The following LINGO2 variants were observed in gnomAD, a reference collection of about 807,000 sequenced individuals.
The protein encoded by LINGO2 is leucine-rich repeat and immunoglobulin-like domain-containing nogo receptor-interacting protein 2.
Under a neutral mutation model 30.6 loss-of-function variants are expected in LINGO2, and 14 were observed. The ratio of observed to expected loss-of-function variants is 0.46; its 90% confidence interval spans 0.30 to 0.72. The LOEUF is 0.72. LINGO2 is among the 30% of genes least tolerant of loss of function. LINGO2 has a pLI of 0.07. For missense variants in LINGO2, 729 were observed against 751.7 expected, an observed-to-expected ratio of 0.97 and a Z score of 0.35; for synonymous variants, 317 against 288.5, an observed-to-expected ratio of 1.10 and a Z score of -1.00.
At chr9:28,890,435 T>A in the LINGO2 span, among the ~76,000 whole-genome samples, 2 of 152,174 alleles carry the variant, frequency 1.3e-5, no homozygotes, top group East Asian at 3.9e-4. Context: ...CAAAGGGGCC[T>A]GCCTGGTATT....
chr9:28,215,545 G>C (rs986126350), intron 4 of LINGO2, among the ~76,000 whole-genome samples: 1 of 151,810 alleles, frequency 6.6e-6, no homozygotes, highest in African/African-American at 2.4e-5. Flanking sequence ...GGAAGAGCAA[G>C]TGAATATTTT....
intron 2 of LINGO2, among the ~76,000 whole-genome samples, chr9:28,392,856 C>T (rs1310175404): frequency 6.6e-6 from 1 of 152,192 alleles, no homozygotes; most frequent in Non-Finnish European, 1.5e-5. Context: ...CCAGAAGCTG[C>T]AGACAAAGAT....
chr9:28,852,058 G>A, the LINGO2 span, among the ~76,000 whole-genome samples: 1 of 151,756 alleles, frequency 6.6e-6, no homozygotes, highest in Non-Finnish European at 1.5e-5. Flanking sequence ...ATTATCAAAA[G>A]ATTGATAAAA....
chr9:27,989,689 A>G lies in LINGO2; in HGVS notation c.-36+22666T>C, dbSNP rs147298021. Among the ~76,000 whole-genome samples the G allele has an allele frequency of 2.6e-5, 4 of 152,120 alleles. No individual in the cohort carries two copies. The East Asian group carries it at 7.8e-4, about 30-fold the overall frequency. ...CCAGAACAAAAGAACACAGATAACT[A>G]TGAGTTAAACACCGTGCTACACACT... On this transcript the variant is annotated intron_variant, in intron 5 of 5. Coordinates refer to ENST00000379992, the Ensembl canonical transcript of LINGO2.
Position 28,665,263 on chromosome 9 carries a change from G to T in LINGO2, c.-365+4937C>A, listed in dbSNP as rs12000480. The stretch of plus-strand genomic sequence containing the variant: ...TGGCAACCTGATCAAATCTACTCTA[G>T]ATCTAAATAAAAGATATGGGTTCCA... On this transcript the variant is annotated intron_variant, in intron 1 of 5. Coordinates refer to ENST00000379992, the Ensembl canonical transcript of LINGO2. 8.2e-3 allele frequency among the ~76,000 whole-genome samples: 1,240 copies of T among 151,810 alleles called. 23 individuals are homozygous for T. The highest frequency in any genetic ancestry group is 0.029 in the African/African-American group (1,197 of 41,438).
chr9:28,610,725 T>C (rs1275421643), intron 1 of LINGO2, among the ~76,000 whole-genome samples: 2 of 152,146 alleles, frequency 1.3e-5, no homozygotes, highest in Admixed American at 6.5e-5. Flanking sequence ...CAGGCTCAGA[T>C]ATTTTGGTAA....
the LINGO2 span, among the ~76,000 whole-genome samples, chr9:29,206,809 T>C: frequency 6.6e-6 from 1 of 152,150 alleles, no homozygotes; most frequent in Non-Finnish European, 1.5e-5. Context: ...ATATCCTGAA[T>C]ATCAAATAGA....
the LINGO2 span, among the ~76,000 whole-genome samples, chr9:28,920,478 C>T: frequency 6.0e-3 from 914 of 152,152 alleles, 7 homozygotes; most frequent in African/African-American, 0.021. Flanking sequence ...AGGAAATAAT[C>T]AGTCTTATAA....
At chr9:28,563,613 ACATGTTGGCAGTT>A (rs1417125914) in intron 1 of LINGO2, among the ~76,000 whole-genome samples, 1 of 152,174 alleles carries the variant, frequency 6.6e-6, no homozygotes, top group Non-Finnish European at 1.5e-5. Flanking sequence ...AAAAAAATGT[ACATGTTGGCAGTT>A]CATTATCCTT....
chr9:29,082,367 G>A, the LINGO2 span, among the ~76,000 whole-genome samples: 8 of 152,120 alleles, frequency 5.3e-5, no homozygotes, highest in African/African-American at 1.9e-4. Context: ...TGGGAAAACT[G>A]GCTAGCCATA....
In LINGO2 at chr9:28,174,898, CTGTG is replaced by C. The variant is rs66472807; in HGVS notation, c.-87+120306_-87+120309del. On this transcript the variant is annotated intron_variant, in intron 4 of 5. Coordinates refer to ENST00000379992, the Ensembl canonical transcript of LINGO2. ...AGAGAGAGAAAGAGAATTTGTGTCT[CTGTG>C]TGTGTGTGTGTGTGTGTGTGAGAGA... Among the ~76,000 whole-genome samples, 211 of 141,112 alleles carry C rather than the reference CTGTG, an allele frequency of 1.5e-3. 1 individual carries two copies. The highest frequency in any genetic ancestry group is 2.4e-3 in the Non-Finnish European group (155 of 65,272). 92.6% of individuals were successfully genotyped at this position (141,112 alleles called of 152,430 possible).
chr9:29,189,793 C>T, the LINGO2 span, among the ~76,000 whole-genome samples: 1 of 152,076 alleles, frequency 6.6e-6, no homozygotes, highest in Non-Finnish European at 1.5e-5. Context: ...GCGGATCACT[C>T]GCGGTTAGGA....
the LINGO2 span, among the ~76,000 whole-genome samples, chr9:28,873,968 T>C: frequency 1.3e-5 from 2 of 151,988 alleles, no homozygotes; most frequent in Non-Finnish European, 2.9e-5. Context: ...TAGGAATCCA[T>C]AAATAAATAA....
chr9:28,106,814 T>C (rs1421095775), intron 4 of LINGO2, among the ~76,000 whole-genome samples: 1 of 152,196 alleles, frequency 6.6e-6, no homozygotes, highest in Non-Finnish European at 1.5e-5. Flanking sequence ...CACAGAGCTT[T>C]TGGGAGAATT....
intron 1 of LINGO2, among the ~76,000 whole-genome samples, chr9:28,667,662 T>C (rs1303988512): frequency 6.6e-6 from 1 of 152,056 alleles, no homozygotes; most frequent in Non-Finnish European, 1.5e-5. Context: ...GAGAATTGCT[T>C]GAACCCAGTT....
chr9:28,929,281 G>T, the LINGO2 span, among the ~76,000 whole-genome samples: 1 of 152,264 alleles, frequency 6.6e-6, no homozygotes, highest in Non-Finnish European at 1.5e-5. Flanking sequence ...GTTCTTTTTG[G>T]CTTTTGTTGT....
At chr9:28,512,949 T>C (rs1207491632) in intron 1 of LINGO2, among the ~76,000 whole-genome samples, 2 of 151,872 alleles carry the variant, frequency 1.3e-5, no homozygotes, top group African/African-American at 2.4e-5. Context: ...GACCACCAGA[T>C]TGGGGGTGGA....
the LINGO2 span, among the ~76,000 whole-genome samples, chr9:28,917,465 T>C: frequency 6.6e-6 from 1 of 152,080 alleles, no homozygotes; most frequent in South Asian, 2.1e-4. Context: ...TTTTTTCTTT[T>C]TGGTGAGAAG....
chr9:29,196,442 C>G, the LINGO2 span, among the ~76,000 whole-genome samples: 5 of 152,036 alleles, frequency 3.3e-5, no homozygotes, highest in Middle Eastern at 3.4e-3. Context: ...ATATATGCAA[C>G]TTGAAGATTT....
Sources: allele counts gnomAD v4.1 joint callset (sites outside exome capture counted in the v4.1 genomes callset), GRCh38; gene constraint gnomAD v4.1.1; transcripts MANE v1.5; gene names NCBI Gene and HGNC (gene_info 2026-07-23, HGNC 2026-07-21).